Variants in MAPK10 observed in about 807,000 individuals in gnomAD.
MAPK10 encodes JNK3 alpha protein kinase.
A neutral mutation model predicts 59.3 loss-of-function variants in MAPK10; 25 were observed. The ratio of observed to expected loss-of-function variants is 0.42; its 90% CI spans 0.31 to 0.59. MAPK10 has a LOEUF of 0.59. MAPK10 is among the 20% of genes least tolerant of loss of function. MAPK10 has a pLI of 0.15. For synonymous variants in MAPK10, 190 were observed against 200.5 expected, an observed-to-expected ratio of 0.95 and a Z score of 0.44; for missense variants, 351 against 568.9, an observed-to-expected ratio of 0.62 and a Z score of 3.90.
upstream of MAPK10, among the ~76,000 whole-genome samples, chr4:86,456,881 T>C (rs1751286057): frequency 6.6e-6 from 1 of 152,200 alleles, no homozygotes; most frequent in Non-Finnish European, 1.5e-5. Flanking sequence ...CCAATATCCC[T>C]GATGAACATA....
rs2057694892 is a variant in MAPK10 at position 86,112,720 on chromosome 4, C to G, written c.237-5368G>C. Among the ~76,000 whole-genome samples the G allele has an allele frequency of 2.0e-5, 3 of 147,834 alleles. 1 individual carries two copies. The South Asian group carries it at 6.2e-4, about 31-fold the overall frequency. On this transcript the variant is annotated intron_variant, in intron 4 of 13. Coordinates refer to ENST00000641462, the MANE Select transcript of MAPK10 (RefSeq NM_138982.4). The stretch of plus-strand genomic sequence containing the variant: ...TTGGGGTGGAAAGTTCTGTAGATAT[C>G]TATCAGGTCCACTTGATCCAGAGCT...
intron 2 of MAPK10, among the ~76,000 whole-genome samples, chr4:86,228,761 T>C (rs1181110601): frequency 6.7e-6 from 1 of 149,702 alleles, no homozygotes; most frequent in Non-Finnish European, 1.5e-5. Flanking sequence ...CTTTACATAG[T>C]AGTCATTAAA....
intron 4 of MAPK10, among the ~76,000 whole-genome samples, chr4:86,121,692 T>C (rs1355762079): frequency 3.3e-5 from 5 of 152,182 alleles, no homozygotes; most frequent in Admixed American, 6.6e-5. Flanking sequence ...AATTAACATA[T>C]ATATTACCTC....
chr4:86,429,764 C>T (rs186266266), intron 1 of MAPK10: 1 of 151,522 alleles, frequency 6.6e-6, no homozygotes, highest in Admixed American at 6.6e-5. Flanking sequence ...GATAATGCCA[C>T]TGCACTCCAT....
intron 1 of MAPK10, among the ~76,000 whole-genome samples, chr4:86,380,875 A>AAAC (rs202239962): frequency 1.5e-4 from 22 of 150,952 alleles, no homozygotes; most frequent in Non-Finnish European, 2.8e-4. Context: ...AAAAAAAAAA[A>AAAC]CACTGGATCT....
chr4:86,436,209 A>AG (rs900847916), intron 1 of MAPK10, among the ~76,000 whole-genome samples: 1 of 152,196 alleles, frequency 6.6e-6, no homozygotes, highest in African/African-American at 2.4e-5. Flanking sequence ...ATAAGTGTAA[A>AG]GGGCTCTGAG....
At chr4:86,239,175 C>T (rs2092523594) in intron 2 of MAPK10, among the ~76,000 whole-genome samples, 1 of 152,146 alleles carries the variant, frequency 6.6e-6, no homozygotes, top group African/African-American at 2.4e-5. Flanking sequence ...GTTGAACCAG[C>T]CTTGCATCCC....
intron 2 of MAPK10, among the ~76,000 whole-genome samples, chr4:86,194,613 A>G (rs1187778745): frequency 6.6e-6 from 1 of 152,112 alleles, no homozygotes; most frequent in African/African-American, 2.4e-5. Context: ...TTTTATAATG[A>G]TCAATTCCAT....
At chr4:86,483,529 C>T (rs1183399820) in intron 1 of MAPK10, among the ~76,000 whole-genome samples, 1 of 151,658 alleles carries the variant, frequency 6.6e-6, no homozygotes, top group Non-Finnish European at 1.5e-5. Context: ...ACCGCTAAGC[C>T]GCAAACATCA....
At chr4:86,437,839 A>G (rs1380809402) in intron 1 of MAPK10, among the ~76,000 whole-genome samples, 1 of 152,226 alleles carries the variant, frequency 6.6e-6, no homozygotes, top group Non-Finnish European at 1.5e-5. Context: ...GGGAAAAGAC[A>G]TAATTGCCCC....
At chr4:86,102,617 T>C (rs113353093) in intron 6 of MAPK10, among the ~76,000 whole-genome samples, 3,954 of 152,180 alleles carry the variant, frequency 0.026, 174 homozygotes, top group African/African-American at 0.088. Flanking sequence ...GTCTCCCGGG[T>C]TCAAGCAATT....
chr4:86,327,122 C>G (rs1467896001), intron 2 of MAPK10: 3 of 150,170 alleles, frequency 2.0e-5, no homozygotes, highest in African/African-American at 7.3e-5. Flanking sequence ...AGGCATGTGC[C>G]ATCACACCCA....
intron 10 of MAPK10, among the ~76,000 whole-genome samples, chr4:86,066,591 C>T (rs1322005575): frequency 6.6e-6 from 1 of 151,694 alleles, no homozygotes; most frequent in African/African-American, 2.4e-5. Flanking sequence ...ACGGTGAAAC[C>T]CCATCTCTAC....
At chr4:86,351,804 A>G (rs1212060411) in intron 2 of MAPK10, among the ~76,000 whole-genome samples, 1 of 152,204 alleles carries the variant, frequency 6.6e-6, no homozygotes, top group Non-Finnish European at 1.5e-5. Context: ...AAGATGAACT[A>G]TTTGTAAAGT....
At chr4:86,393,947 T>C (rs1268445724) in intron 1 of MAPK10, among the ~76,000 whole-genome samples, 1 of 152,086 alleles carries the variant, frequency 6.6e-6, no homozygotes, top group African/African-American at 2.4e-5. Context: ...CTTAAACACA[T>C]TGGTGAAGAA....
chr4:86,151,906 C>T (rs2066573124), intron 4 of MAPK10: 1 of 152,194 alleles, frequency 6.6e-6, no homozygotes, highest in Non-Finnish European at 1.5e-5. Context: ...AAGTATTTTG[C>T]AACTTATATT....
intron 2 of MAPK10, among the ~76,000 whole-genome samples, chr4:86,339,229 CT>C (rs1705834519): frequency 6.6e-6 from 1 of 152,022 alleles, no homozygotes; most frequent in Admixed American, 6.6e-5. Flanking sequence ...CATGCAGTGA[CT>C]AAGGGAGGCA....
chr4:86,397,842 G>A (rs974249005), intron 1 of MAPK10, among the ~76,000 whole-genome samples: 1 of 120,124 alleles, frequency 8.3e-6, no homozygotes, highest in African/African-American at 3.2e-5. Context: ...AGATCATTAC[G>A]TAAGCTCTGA....
chr4:86,560,492 C>T (rs1486807982), intron 1 of MAPK10, among the ~76,000 whole-genome samples: 2 of 152,226 alleles, frequency 1.3e-5, no homozygotes, highest in African/African-American at 4.8e-5. Context: ...ATTAGTTACA[C>T]TCCTTTGTCA....
Sources: allele counts gnomAD v4.1 joint callset (sites outside exome capture counted in the v4.1 genomes callset), GRCh38; gene constraint gnomAD v4.1.1; transcripts MANE v1.5; gene names NCBI Gene and HGNC (gene_info 2026-07-23, HGNC 2026-07-21).